UBA2: variants seen among roughly 807,000 people sequenced by gnomAD.
The protein encoded by UBA2 is ubiquitin like modifier activating enzyme 2, also known as SUMO-activating enzyme subunit 2.
UBA2 carries 11 observed loss-of-function variants against 77.2 expected under a neutral mutation model. The ratio of observed to expected loss-of-function variants is 0.14; its 90% CI spans 0.09 to 0.24. The LOEUF is 0.24. Ranked by LOEUF, UBA2 falls within the 10% of genes least tolerant of loss-of-function variation. The pLI, the probability that UBA2 is intolerant of heterozygous loss-of-function variation, is 1.00. For synonymous variants in UBA2, 278 were observed against 276.7 expected, an observed-to-expected ratio of 1.00 and a Z score of -0.05; for missense variants, 487 against 781.7, an observed-to-expected ratio of 0.62 and a Z score of 4.50.
At chr19:34,442,411 A>G (rs1438492949) in intron 6 of UBA2, among the ~76,000 whole-genome samples, 1 of 152,226 alleles carries the variant, frequency 6.6e-6, no homozygotes, top group African/African-American at 2.4e-5. Flanking sequence ...CTCATCATAA[A>G]TAAAAAATAC....
chr19:34,454,694 A>C (rs888815150), intron 12 of UBA2, 138 bp downstream of exon 12: 2 of 510,022 alleles, frequency 3.9e-6, no homozygotes, highest in East Asian at 6.5e-5. Flanking sequence ...TCTGGTTACC[A>C]AGTGAGTGTG....
At chr19:34,439,174 C>T (rs1361726754) in intron 6 of UBA2, among the ~76,000 whole-genome samples, 1 of 149,568 alleles carries the variant, frequency 6.7e-6, no homozygotes, top group Non-Finnish European at 1.5e-5. Flanking sequence ...CGCCACTGCA[C>T]TCCAGCTTGG....
rs1297700348 is a variant in UBA2, at chr19:34,458,972, C to G, written c.1401+48C>G. The stretch of plus-strand genomic sequence containing the variant: ...TTTTCCTTTTGCTTTTACAGTATTA[C>G]TGTGATGACAAACAAACACTAGCTG... On this transcript the variant is annotated intron_variant, in intron 13 of 16. Coordinates refer to ENST00000246548, the MANE Select transcript of UBA2 (RefSeq NM_005499.3). 12 of 1,520,636 alleles carry G rather than the reference C, an allele frequency of 7.9e-6. No homozygotes were observed. The South Asian group carries it at 1.2e-4, about 15-fold the overall frequency. 94.2% of individuals were successfully genotyped at this position (1,520,636 alleles called of 1,614,324 possible).
intron 6 of UBA2, among the ~76,000 whole-genome samples, chr19:34,442,251 C>T (rs533551771): frequency 6.6e-6 from 1 of 152,204 alleles, no homozygotes; most frequent in South Asian, 2.1e-4. Context: ...AAAAGATAAT[C>T]TGGCAAAATT....
chr19:34,459,326 C>T (rs1181418748), intron 13 of UBA2, among the ~76,000 whole-genome samples: 2 of 152,184 alleles, frequency 1.3e-5, no homozygotes, highest in Admixed American at 6.5e-5. Flanking sequence ...TCCAGTAGAG[C>T]AAAGCCCCAG....
chr19:34,460,542 T>A lies in UBA2; in HGVS notation c.1474T>A (p.Ser492Thr), dbSNP rs995033875. Residue 492 changes from serine (S) to threonine (T), a missense_variant, in exon 14 of 17, where the codon TCT becomes ACT. This residue lies in a region of UBA2 where 300 missense variants were observed against 454.3 expected (regional missense o/e 0.66). Coordinates refer to ENST00000246548, the MANE Select transcript of UBA2 (RefSeq NM_005499.3). ...AGATGGGAAAGGAACAATCCTAATA[T>A]CTTCCGAAGAGGGAGAGACGGAAGG... ...IEDGKGTILISSEEGETEANN... is the reference protein window; with the variant it reads ...IEDGKGTILITSEEGETEANN... 5.6e-6 allele frequency: 9 copies of A among 1,611,270 alleles called. No homozygotes were observed. The highest frequency in any genetic ancestry group is 4.0e-5 in the African/African-American group (3 of 74,784).
At chr19:34,447,132 G>C (rs189650416) in intron 8 of UBA2, among the ~76,000 whole-genome samples, 1 of 152,246 alleles carries the variant, frequency 6.6e-6, no homozygotes, top group Admixed American at 6.5e-5. Flanking sequence ...GGAGAATTTG[G>C]AGTCTGATGT....
intron 12 of UBA2, among the ~76,000 whole-genome samples, chr19:34,456,872 A>C (rs2075568256): frequency 6.6e-6 from 1 of 151,908 alleles, no homozygotes; most frequent in Non-Finnish European, 1.5e-5. Context: ...CCCAGTTTTT[A>C]AATTATTTAA....
At chr19:34,450,210 G>C in intron 8 of UBA2, 55 bp from the exon 9 acceptor site, 2 of 1,257,880 alleles carry the variant, frequency 1.6e-6, no homozygotes, top group Non-Finnish European at 2.3e-6. Context: ...ACGTTTTCTT[G>C]TATCTTATCA....
chr19:34,457,182 ATATATAT>A (rs1568381605), intron 12 of UBA2, among the ~76,000 whole-genome samples: 52 of 85,614 alleles, frequency 6.1e-4, no homozygotes, highest in Middle Eastern at 6.0e-3. Flanking sequence ...AAAAAAAAAT[ATATATAT>A]ATATATATAT....
At chr19:34,437,257 C>T (rs144724689) in intron 5 of UBA2, among the ~76,000 whole-genome samples, 6,108 of 151,124 alleles carry the variant, frequency 0.04, 184 homozygotes, top group Admixed American at 0.11. Context: ...CCACCACGCC[C>T]GGCCAGACAT....
chr19:34,437,200 G>A (rs1477456161), intron 5 of UBA2, among the ~76,000 whole-genome samples: 2 of 151,624 alleles, frequency 1.3e-5, no homozygotes, highest in Non-Finnish European at 2.9e-5. Flanking sequence ...GACCTCAGGT[G>A]ATCCGCCTGC....
At chr19:34,452,226 A>T in intron 10 of UBA2, 79 bp downstream of exon 10, 1 of 1,201,538 alleles carries the variant, frequency 8.3e-7, no homozygotes. Context: ...GAAGCTAGTC[A>T]TTTTTTGAAT....
At chr19:34,466,813 G>T (rs994781224) in intron 15 of UBA2, 65 bp from the exon 16 acceptor site, 11 of 1,473,820 alleles carry the variant, frequency 7.5e-6, no homozygotes, top group Non-Finnish European at 8.5e-6. Context: ...GGAACAACAG[G>T]ATTTCTCTGG....
intron 16 of UBA2, among the ~76,000 whole-genome samples, chr19:34,467,409 A>G (rs2075698987): frequency 7.3e-5 from 11 of 151,320 alleles, no homozygotes. Flanking sequence ...TCGACACTGC[A>G]GTGAGCCATG....
chr19:34,440,850 CG>C (rs1330400567), intron 6 of UBA2, among the ~76,000 whole-genome samples: 2 of 147,192 alleles, frequency 1.4e-5, no homozygotes, highest in African/African-American at 2.5e-5. Flanking sequence ...TGCTTGAACC[CG>C]GGAGGTGGAG....
Position 34,445,084 on chromosome 19 carries a change from A to T in UBA2, c.734A>T (p.Lys245Ile). 6.2e-7 allele frequency: 1 copy of T among 1,613,748 alleles called. No individual in the cohort carries two copies. The highest frequency in any genetic ancestry group is 8.5e-7 in the Non-Finnish European group (1 of 1,179,856). Residue 245 changes from lysine to isoleucine, a missense_variant, in exon 8 of 17, where the codon AAA becomes ATA. This residue lies in a region of UBA2 where 300 missense variants were observed against 454.3 expected (regional missense o/e 0.66). Coordinates refer to ENST00000246548, the MANE Select transcript of UBA2 (RefSeq NM_005499.3). ...IKRISTKEWA[K>I]STGYDPVKLF... ...CGTATTTCTACTAAGGAATGGGCTA[A>T]ATCAACTGGATATGATCCAGTTAAA...
chr19:34,457,608 G>A (rs1360608241), intron 12 of UBA2, among the ~76,000 whole-genome samples: 4 of 152,056 alleles, frequency 2.6e-5, no homozygotes, highest in Non-Finnish European at 4.4e-5. Context: ...TTCATTGTAC[G>A]GAGAAGCTAT....
intron 5 of UBA2, among the ~76,000 whole-genome samples, chr19:34,435,710 A>T (rs2075300828): frequency 6.6e-6 from 1 of 151,914 alleles, no homozygotes; most frequent in Non-Finnish European, 1.5e-5. Flanking sequence ...TGTACCTGTA[A>T]TCCCAGCTAG....
Sources: gnomAD v4.1 joint callset for allele counts (sites outside exome capture counted in the v4.1 genomes callset) on GRCh38, gnomAD v4.1.1 for gene constraint, gnomAD v4.1.1 regional missense constraint, MANE v1.5 for transcripts, NCBI Gene and HGNC (gene_info 2026-07-23, HGNC 2026-07-21) for gene names.